SIN3B: variants seen among roughly 807,000 people sequenced by gnomAD.
SIN3B encodes the protein paired amphipathic helix protein Sin3b.
Under a neutral mutation model 120.2 loss-of-function variants are expected in SIN3B, and 19 were observed. The ratio of observed to expected loss-of-function variants is 0.16; its 90% CI spans 0.11 to 0.23. The LOEUF is 0.23. SIN3B is among the 10% of genes least tolerant of loss of function. The pLI is 1.00. For missense variants in SIN3B, 1,073 were observed against 1,573.0 expected, an observed-to-expected ratio of 0.68 and a Z score of 5.38; for synonymous variants, 654 against 653.2, an observed-to-expected ratio of 1.00 and a Z score of -0.02.
At chr19:16,833,705 A>G (rs1394895080) in intron 3 of SIN3B, among the ~76,000 whole-genome samples, 1 of 151,076 alleles carries the variant, frequency 6.6e-6, no homozygotes, top group Non-Finnish European at 1.5e-5. Flanking sequence ...CCTGAAAGCC[A>G]AGGAGCGAGT....
chr19:16,831,708 G>A (rs2144569850), intron 3 of SIN3B, 61 bp downstream of exon 3: 1 of 1,484,762 alleles, frequency 6.7e-7, no homozygotes, highest in Non-Finnish European at 9.4e-7. Flanking sequence ...TGCTACTCAG[G>A]TTGGGCCACG....
intron 11 of SIN3B, 69 bp from the exon 12 acceptor site, chr19:16,866,304 C>A (rs1429241490): frequency 8.7e-6 from 13 of 1,485,824 alleles, no homozygotes; most frequent in Non-Finnish European, 1.2e-5. Context: ...GGAAGACAGG[C>A]CAGCCCTGGG....
chr19:16,873,372 G>T (rs1018355566), intron 14 of SIN3B, among the ~76,000 whole-genome samples: 46 of 152,274 alleles, frequency 3.0e-4, no homozygotes, highest in African/African-American at 1.1e-3. Flanking sequence ...TGCCCGAAAT[G>T]GGTCCCTGCC....
chr19:16,855,381 C>CT (rs1454580455), intron 8 of SIN3B: 1 of 120,986 alleles, frequency 8.3e-6, no homozygotes, highest in Non-Finnish European at 1.8e-5. Flanking sequence ...CCCCCCCCCC[C>CT]CCCCAGCAAA....
At chr19:16,863,327 GTAA>G in intron 9 of SIN3B, 1 of 339,026 alleles carries the variant, frequency 2.9e-6, no homozygotes, top group Non-Finnish European at 5.3e-6. Context: ...AGAATGCAGT[GTAA>G]CAATGATCTA....
intron 10 of SIN3B, among the ~76,000 whole-genome samples, chr19:16,864,828 A>C (rs953295641): frequency 1.4e-5 from 2 of 145,850 alleles, no homozygotes; most frequent in African/African-American, 5.1e-5. Context: ...CCATCTATAC[A>C]AAAAAAAAAT....
chr19:16,868,628 C>G (rs1971811467), intron 12 of SIN3B, among the ~76,000 whole-genome samples: 2 of 152,204 alleles, frequency 1.3e-5, no homozygotes, highest in South Asian at 4.1e-4. Context: ...CCTGCACACG[C>G]AGGAGGGAGC....
At chr19:16,833,080 G>A (rs1221128749) in intron 3 of SIN3B, among the ~76,000 whole-genome samples, 2 of 152,156 alleles carry the variant, frequency 1.3e-5, no homozygotes, top group Non-Finnish European at 2.9e-5. Context: ...TCCCTGGGGG[G>A]CAAAAGTGCC....
At chr19:16,845,726 C>A (rs1971470312) in intron 4 of SIN3B, among the ~76,000 whole-genome samples, 1 of 151,940 alleles carries the variant, frequency 6.6e-6, no homozygotes, top group South Asian at 2.1e-4. Context: ...TTCTTTTCTT[C>A]TTTATTTATT....
Position 16,863,751 on chromosome 19 carries a change from A to G in SIN3B, c.1338A>G (p.Thr446=), listed in dbSNP as rs1474087972. Reference sequence around the variant, plus strand: ...CCACGTTCGTCAGCTCCAAGAAGACACCGTACGAGGAGCAGCTTCACCGCT... The same window carrying G: ...CCACGTTCGTCAGCTCCAAGAAGACGCCGTACGAGGAGCAGCTTCACCGCT... The part of the protein sequence containing the change: ...EDSTFVSSKK[T]PYEEQLHRCE... Residue 446 remains threonine (T), a synonymous_variant, in exon 10 of 19, where the codon ACA becomes ACG. Coordinates refer to ENST00000248054, the MANE Select transcript of SIN3B (RefSeq NM_001297595.2). The G allele has an allele frequency of 2.5e-6, 4 of 1,614,098 alleles. No individual in the cohort carries two copies.
chr19:16,869,891 C>T lies in SIN3B; in HGVS notation c.2238C>T (p.Asn746=). 1 of 1,614,260 alleles carries T rather than the reference C, an allele frequency of 6.2e-7. No homozygotes were observed. Among genetic ancestry groups the T allele is most frequent in the Non-Finnish European group, 8.5e-7 (1 of 1,180,052 alleles). ...LDDVYSLFFA[N]NNWYFFLRLH... ...ATGTCTACAGCCTATTTTTTGCCAA[C>T]AACAACTGGTACTTCTTCCTGCGCC... Residue 746 remains asparagine, a synonymous_variant, in exon 13 of 19, where the codon AAC becomes AAT. Transcript: ENST00000248054.
At chr19:16,829,960 G>T in intron 2 of SIN3B, 63 bp downstream of exon 2, 1 of 1,143,544 alleles carries the variant, frequency 8.7e-7, no homozygotes, top group Admixed American at 1.7e-5. Flanking sequence ...GCCTAGCGGG[G>T]TGAGACCTCC....
Position 16,878,962 on chromosome 19 carries a change from G to A in SIN3B, c.*235G>A. On this transcript the variant is annotated 3_prime_UTR_variant, in exon 19 of 19. Coordinates refer to ENST00000248054, the MANE Select transcript of SIN3B (RefSeq NM_001297595.2). ...AGCCCTGGGGCTCAGCCCCACCACAGGGGCGGGTGGACGTGCTGGCCGAGG... is the reference window on the plus strand; with the variant it reads ...AGCCCTGGGGCTCAGCCCCACCACAAGGGCGGGTGGACGTGCTGGCCGAGG... 3 of 551,594 alleles carry A rather than the reference G, an allele frequency of 5.4e-6. No individual in the cohort carries two copies. The highest frequency in any genetic ancestry group is 9.6e-6 in the Non-Finnish European group (3 of 313,278). The allele number at this position is 551,594 out of a possible 1,614,324, so 34.2% of individuals were successfully genotyped here.
At chr19:16,838,385 T>C (rs1971374301) in intron 3 of SIN3B, among the ~76,000 whole-genome samples, 1 of 152,134 alleles carries the variant, frequency 6.6e-6, no homozygotes, top group Non-Finnish European at 1.5e-5. Context: ...GCTTCCTGTC[T>C]TTATGGATTT....
rs200450597 is a variant in SIN3B at position 16,858,960 on chromosome 19, C to CA, written c.1059-3383dup. Among the ~76,000 whole-genome samples the CA allele has an allele frequency of 5.7e-3, 857 of 149,960 alleles. 6 individuals carry two copies. The highest frequency in any genetic ancestry group is 6.0e-3 in the Non-Finnish European group (407 of 67,322). ...GCAAGCTGTCTCAAAAAAACGAAAA[C>CA]AAAAAAAAATGACCAGCCTGGGCAA... is the stretch of plus-strand genomic sequence containing the variant. On this transcript the variant is annotated intron_variant, in intron 8 of 18. Coordinates refer to ENST00000248054, the MANE Select transcript of SIN3B (RefSeq NM_001297595.2).
At chr19:16,833,152 G>A (rs962421832) in intron 3 of SIN3B, among the ~76,000 whole-genome samples, 25 of 152,172 alleles carry the variant, frequency 1.6e-4, no homozygotes, top group Non-Finnish European at 1.9e-4. Context: ...TCCTTGCCTC[G>A]AGAGTTTTAG....
chr19:16,842,058 T>A, intron 4 of SIN3B, 90 bp downstream of exon 4: 1 of 1,068,282 alleles, frequency 9.4e-7, no homozygotes, highest in Non-Finnish European at 1.4e-6. Flanking sequence ...TCGGAATTCA[T>A]AAAATCCTGT....
At chr19:16,848,737 G>A (rs1283672116) in intron 5 of SIN3B, among the ~76,000 whole-genome samples, 2 of 152,214 alleles carry the variant, frequency 1.3e-5, no homozygotes, top group Non-Finnish European at 2.9e-5. Flanking sequence ...CTGGCCTCAA[G>A]CGATCCACCT....
Position 16,862,542 on chromosome 19 carries a change from A to G in SIN3B, c.1249A>G (p.Thr417Ala). The change falls in exon 9 of 19, where the codon ACA becomes GCA. Residue 417 changes from threonine (T) to alanine (A), a missense_variant. Physicochemically the swap from Thr to Ala is moderately conservative, Grantham distance 58. This residue lies in a region of SIN3B where 118 missense variants were observed against 281.6 expected (regional missense o/e 0.42). Transcript: ENST00000248054. This position sits in a 1 kb window ranked among gnomAD's most constrained non-coding sequence, Gnocchi z 4.7. ...CCAGCAGCCCAAGTGCAGTGGGAGG[A>G]CAGCCATCTGCAAGGAGGTAGCGCT... ...TYQQPKCSGR[T>A]AICKEVLNDT... 1 of 1,613,638 alleles carries G rather than the reference A, an allele frequency of 6.2e-7. No individual in the cohort carries two copies. The highest frequency in any genetic ancestry group is 1.7e-4 in the Middle Eastern group (1 of 5,932).
Sources: allele counts gnomAD v4.1 joint callset (sites outside exome capture counted in the v4.1 genomes callset), GRCh38; gene constraint gnomAD v4.1.1; regional missense constraint gnomAD v4.1.1; non-coding constraint Gnocchi (gnomAD v3.1); transcripts MANE v1.5; gene names NCBI Gene and HGNC (gene_info 2026-07-23, HGNC 2026-07-21).